RNASEH2B: variants seen among roughly 807,000 people sequenced by gnomAD.
RNASEH2B encodes Aicardi-Goutieres syndrome 2 protein.
RNASEH2B carries 36 observed loss-of-function variants against 45.0 expected under a neutral mutation model. That is an observed-to-expected ratio of 0.80 (90% CI 0.61 to 1.06). RNASEH2B has a LOEUF of 1.06. Among genes scored for constraint, RNASEH2B ranks in the 50% least tolerant of loss-of-function variants. The pLI is 0.00. For synonymous variants in RNASEH2B, 119 were observed against 125.7 expected, an observed-to-expected ratio of 0.95 and a Z score of 0.35; for missense variants, 361 against 360.3, an observed-to-expected ratio of 1.00 and a Z score of -0.02.
At chr13:50,956,293 A>G (rs1192931677) in intron 10 of RNASEH2B, 65 bp from the exon 11 acceptor site, 1 of 1,318,146 alleles carries the variant, frequency 7.6e-7, no homozygotes, top group Non-Finnish European at 1.1e-6. Flanking sequence ...GTCTTCTTTG[A>G]TTTCCATATA....
In RNASEH2B at chr13:50,945,548, T is replaced by C. The variant is rs1329814638; in HGVS notation, c.616+16T>C. The C allele has an allele frequency of 1.2e-5, 19 of 1,574,376 alleles. No individual in the cohort carries two copies. Among genetic ancestry groups the C allele is most frequent in the Non-Finnish European group, 1.7e-5 (19 of 1,144,226 alleles). ...GACAAGGAAGGTAAGTAAAGCATTT[T>C]ATCAGAAAAGATTTTTGTCTGGAGT... On this transcript the variant is annotated intron_variant, in intron 7 of 10. Transcript: ENST00000336617.
Position 50,956,432 on chromosome 13 carries a change from CT to C in RNASEH2B, c.903del (p.Phe301LeufsTer3), listed in dbSNP as rs1226495341. The C allele has an allele frequency of 3.8e-6, 6 of 1,599,948 alleles. No homozygotes were observed. Among genetic ancestry groups the C allele is most frequent in the South Asian group, 2.2e-5 (2 of 89,816 alleles). Reference protein sequence around the residue: ...DKSGMKSIDTFFGVKNKKKIG... With the variant: ...DKSGMKSIDTXFGVKNKKKIG... ...AGAGTGGAATGAAAAGTATTGATAC[CT>C]TTTTTGGGGTAAAAAATAAAAAAAA... On this transcript the variant is annotated frameshift_variant, in exon 11 of 11. Coordinates refer to ENST00000336617, the MANE Select transcript of RNASEH2B (RefSeq NM_024570.4). LOFTEE classifies it high-confidence loss of function.
At chr13:50,938,717 G>A (rs1040973078) in intron 5 of RNASEH2B, 2 of 152,414 alleles carry the variant, frequency 1.3e-5, no homozygotes, top group African/African-American at 2.4e-5. Flanking sequence ...AGGAGGCAGA[G>A]CTCAGCCAGT....
In RNASEH2B at chr13:50,929,572, A is replaced by G. The variant is rs757200430; in HGVS notation, c.234A>G (p.Ser78=). 2.5e-6 allele frequency: 4 copies of G among 1,596,440 alleles called. No homozygotes were observed. In the South Asian group the frequency reaches 4.4e-5, roughly 18 times the overall value. The change falls in exon 3 of 11, where the codon TCA becomes TCG. Residue 78 remains serine (S), a synonymous_variant. Coordinates refer to ENST00000336617, the MANE Select transcript of RNASEH2B (RefSeq NM_024570.4). The part of the protein sequence containing the change: ...EKHHSWFINQ[S]VQSGGLLHFA... ...ACCATTCTTGGTTTATAAATCAATC[A>G]GTTCAATCAGGTAGGTGACTAGTGT...
chr13:50,950,244 TGA>T (rs1951959344), intron 9 of RNASEH2B: 1 of 152,248 alleles, frequency 6.6e-6, no homozygotes, highest in African/African-American at 2.4e-5. Flanking sequence ...ACGGATGCCT[TGA>T]GAATGTAAAA....
Position 50,945,517 on chromosome 13 carries a change from T to C in RNASEH2B, c.601T>C (p.Ser201Pro), listed in dbSNP as rs2137991056. The C allele has an allele frequency of 1.9e-6, 3 of 1,611,768 alleles. No individual in the cohort carries two copies. Among genetic ancestry groups the C allele is most frequent in the Non-Finnish European group, 2.5e-6 (3 of 1,177,930 alleles). The change falls in exon 7 of 11, where the codon TCC (serine) becomes CCC (proline). Residue 201 changes from serine to proline, a missense_variant. Transcript: ENST00000336617. ...STAFFSGDQA[S>P]TDKEEDYIRY... The stretch of plus-strand genomic sequence containing the variant: ...TGCATTTTTCTCTGGTGACCAAGCT[T>C]CCACTGACAAGGAAGGTAAGTAAAG...
intron 9 of RNASEH2B, among the ~76,000 whole-genome samples, chr13:50,969,535 A>AAG (rs924762749): frequency 6.6e-6 from 1 of 151,854 alleles, no homozygotes; most frequent in Admixed American, 6.6e-5. Context: ...AAAAAAAAAA[A>AAG]AAAGAAAAAT....
At chr13:50,922,659 A>G (rs149398754) in intron 1 of RNASEH2B, among the ~76,000 whole-genome samples, 3 of 152,224 alleles carry the variant, frequency 2.0e-5, no homozygotes, top group Admixed American at 2.0e-4. Context: ...TACAAAAAAC[A>G]GCAATAACAA....
chr13:50,948,150 T>C, intron 8 of RNASEH2B, 82 bp downstream of exon 8: 1 of 1,587,450 alleles, frequency 6.3e-7, no homozygotes, highest in South Asian at 1.1e-5. Context: ...TTATGGCTTA[T>C]CATATCACTG....
chr13:50,910,168 T>A, intron 1 of RNASEH2B, 28 bp downstream of exon 1: 1 of 1,397,314 alleles, frequency 7.2e-7, no homozygotes, highest in Non-Finnish European at 9.3e-7. Flanking sequence ...GGCGGCGGGG[T>A]CGGCCCAAGA....
At chr13:50,920,888 T>C (rs970619297) in intron 1 of RNASEH2B, among the ~76,000 whole-genome samples, 2 of 152,250 alleles carry the variant, frequency 1.3e-5, no homozygotes, top group Non-Finnish European at 2.9e-5. Context: ...CCTTGATTTT[T>C]ACATATAAAA....
At chr13:50,935,855 G>C (rs1194191566) in intron 5 of RNASEH2B, 1 of 152,518 alleles carries the variant, frequency 6.6e-6, no homozygotes, top group Admixed American at 6.5e-5. Flanking sequence ...TTTTAAGCAT[G>C]GCAGTCTGCA....
intron 5 of RNASEH2B, chr13:50,941,738 A>T (rs535924500): frequency 6.6e-6 from 1 of 152,350 alleles, no homozygotes; most frequent in Admixed American, 6.5e-5. Flanking sequence ...TTTGGCTTAC[A>T]GTAGGCTGTT....
intron 9 of RNASEH2B, chr13:50,952,416 T>C (rs2052773335): frequency 6.6e-6 from 1 of 152,190 alleles, no homozygotes; most frequent in South Asian, 2.1e-4. Flanking sequence ...GTATTTTTTT[T>C]TTTGAGACAG....
intron 4 of RNASEH2B, among the ~76,000 whole-genome samples, chr13:50,931,429 A>C (rs1195942819): frequency 6.6e-6 from 1 of 152,218 alleles, no homozygotes; most frequent in Admixed American, 6.5e-5. Context: ...ATTTATTTAA[A>C]AGTTAAAAAT....
chr13:50,946,561 A>G (rs554187664), intron 7 of RNASEH2B, among the ~76,000 whole-genome samples: 24 of 152,290 alleles, frequency 1.6e-4, no homozygotes, highest in Middle Eastern at 3.4e-3. Flanking sequence ...GTGGGTGGAT[A>G]GATGCATCCA....
At chr13:50,933,458 A>T (rs1188230350) in intron 4 of RNASEH2B, among the ~76,000 whole-genome samples, 7 of 152,334 alleles carry the variant, frequency 4.6e-5, no homozygotes, top group Middle Eastern at 3.4e-3. Context: ...TTAAAGTAAC[A>T]TTTGAGATGT....
At chr13:50,922,030 T>C (rs770527190) in intron 1 of RNASEH2B, among the ~76,000 whole-genome samples, 1 of 152,222 alleles carries the variant, frequency 6.6e-6, no homozygotes, top group African/African-American at 2.4e-5. Context: ...CAGAGCATTG[T>C]CCCTATTTGA....
intron 1 of RNASEH2B, chr13:50,913,158 G>T (rs1205685916): frequency 2.0e-5 from 3 of 152,136 alleles, no homozygotes; most frequent in Non-Finnish European, 2.9e-5. Context: ...GTTTGGGATG[G>T]TCTTAAATGT....
Sources: gnomAD v4.1 joint callset for allele counts (sites outside exome capture counted in the v4.1 genomes callset) on GRCh38, gnomAD v4.1.1 for gene constraint, MANE v1.5 for transcripts, NCBI Gene and HGNC (gene_info 2026-07-23, HGNC 2026-07-21) for gene names.